The following NUCB1 variants were observed in gnomAD, a reference collection of about 807,000 sequenced individuals.
NUCB1 encodes the protein nucleobindin-1.
Under a neutral mutation model 61.2 loss-of-function variants are expected in NUCB1, and 47 were observed. The ratio of observed to expected loss-of-function variants is 0.77; its 90% CI spans 0.61 to 0.98. The LOEUF is 0.98. Among genes scored for constraint, NUCB1 ranks in the 50% least tolerant of loss-of-function variants. The probability of loss-of-function intolerance (pLI) is 0.00; values close to 1 mark genes in which losing one functional copy is unlikely to be tolerated. For synonymous variants in NUCB1, 234 were observed against 243.1 expected, an observed-to-expected ratio of 0.96 and a Z score of 0.35; for missense variants, 583 against 605.3, an observed-to-expected ratio of 0.96 and a Z score of 0.39.
At chr19:48,914,983 G>A (rs1023619690) in intron 7 of NUCB1, among the ~76,000 whole-genome samples, 2 of 152,080 alleles carry the variant, frequency 1.3e-5, no homozygotes, top group Admixed American at 1.3e-4. Flanking sequence ...AGGAGGCTGA[G>A]GTGGGAGAAT....
chr19:48,922,499 C>A lies in NUCB1; in HGVS notation c.*75C>A. 1 of 1,294,482 alleles carries A rather than the reference C, an allele frequency of 7.7e-7. No individual in the cohort carries two copies. The highest frequency in any genetic ancestry group is 1.2e-5 in the South Asian group (1 of 83,452). 80.2% of individuals were successfully genotyped at this position (1,294,482 alleles called of 1,614,324 possible). On this transcript the variant is annotated 3_prime_UTR_variant, in exon 13 of 13. Coordinates refer to ENST00000405315, the MANE Select transcript of NUCB1 (RefSeq NM_006184.6). Reference sequence around the variant, plus strand: ...TGGGCGCTGGATGAAGTGGCACAGTCAGCTTCCCTGGGGGCTGGTGTCATG... The same window carrying A: ...TGGGCGCTGGATGAAGTGGCACAGTAAGCTTCCCTGGGGGCTGGTGTCATG...
chr19:48,922,610 A>T lies in NUCB1; in HGVS notation c.*186A>T. 1.7e-6 allele frequency: 1 copy of T among 582,834 alleles called. No individual in the cohort carries two copies. The highest frequency in any genetic ancestry group is 2.9e-5 in the East Asian group (1 of 34,352). 36.1% of individuals were successfully genotyped at this position (582,834 alleles called of 1,614,324 possible). A position where few individuals can be genotyped will look rare whatever the true frequency, so the allele number is the denominator to read the frequency against. ...ACCTGTCTCCACTTTCACAGCCTCCAAGTCTGTGGCTCTTCCCTTCTGTCC... is the reference window on the plus strand; with the variant it reads ...ACCTGTCTCCACTTTCACAGCCTCCTAGTCTGTGGCTCTTCCCTTCTGTCC... On this transcript the variant is annotated 3_prime_UTR_variant, in exon 13 of 13. Transcript: ENST00000405315.
chr19:48,903,471 C>T (rs57441115), intron 2 of NUCB1, among the ~76,000 whole-genome samples: 5,509 of 26,474 alleles, frequency 0.21, 564 homozygotes, highest in Non-Finnish European at 0.26. Flanking sequence ...GATGGATGGG[C>T]GGGTGGATGG....
chr19:48,906,934 G>T (rs4802522), intron 4 of NUCB1, among the ~76,000 whole-genome samples: 54,434 of 151,432 alleles, frequency 0.36, 11,690 homozygotes, highest in African/African-American at 0.6. Context: ...AAAATCGGGA[G>T]ATTTATCAGG....
chr19:48,908,987 A>C (rs920513033), intron 4 of NUCB1, among the ~76,000 whole-genome samples: 2 of 151,954 alleles, frequency 1.3e-5, no homozygotes, highest in African/African-American at 4.8e-5. Context: ...TTGTTTGCTG[A>C]GGCCGCTGTA....
In NUCB1 at chr19:48,905,749, T is replaced by C. The variant is rs1211281326; in HGVS notation, c.244-4T>C. On this transcript the variant is annotated splice_region_variant and splice_polypyrimidine_tract_variant and intron_variant, in intron 3 of 12. Transcript: ENST00000405315. ...AGGCTGACCAGGGTCTCCTCTCCTG[T>C]CAGAGCGGGAAGCTGAGCCGAGAGC... 6.2e-7 allele frequency: 1 copy of C among 1,613,962 alleles called. No homozygotes were observed. Among genetic ancestry groups the C allele is most frequent in the South Asian group, 1.1e-5 (1 of 91,082 alleles).
chr19:48,917,788 AC>A (rs1308551522), intron 7 of NUCB1, among the ~76,000 whole-genome samples: 1 of 143,538 alleles, frequency 7.0e-6, no homozygotes, highest in East Asian at 2.0e-4. Context: ...GAGCCACCGC[AC>A]CCGGCCCAAT....
At chr19:48,907,270 GC>G (rs2122173636) in intron 4 of NUCB1, among the ~76,000 whole-genome samples, 1 of 140,462 alleles carries the variant, frequency 7.1e-6, no homozygotes, top group East Asian at 2.1e-4. Flanking sequence ...ACCGCGCCTG[GC>G]CTTTTTTTTT....
chr19:48,900,781 C>A lies in NUCB1; in HGVS notation c.-11-5C>A. On this transcript the variant is annotated splice_polypyrimidine_tract_variant and splice_region_variant and intron_variant, in intron 1 of 12. Transcript: ENST00000405315. ...ATGCATTATCCAGCCCTCCATCCCC[C>A]ACAGACCACACTGCCATGCCTCCCT... 6.2e-7 allele frequency: 1 copy of A among 1,613,470 alleles called. No individual in the cohort carries two copies. The highest frequency in any genetic ancestry group is 1.3e-5 in the African/African-American group (1 of 75,064).
chr19:48,920,828 C>T (rs2037601061), intron 10 of NUCB1, among the ~76,000 whole-genome samples: 1 of 151,630 alleles, frequency 6.6e-6, no homozygotes, highest in Admixed American at 6.6e-5. Flanking sequence ...TGGCCTATTT[C>T]TATATATTTT....
chr19:48,912,228 G>A (rs1055784285), intron 5 of NUCB1, among the ~76,000 whole-genome samples: 2 of 151,742 alleles, frequency 1.3e-5, no homozygotes, highest in Non-Finnish European at 2.9e-5. Context: ...GTCTCGCTGT[G>A]TTATGTGAGT....
Position 48,913,146 on chromosome 19 carries a change from C to T in NUCB1, c.616C>T (p.Leu206=), listed in dbSNP as rs758848012. The change falls in exon 6 of 13, where the codon CTG becomes TTG. Residue 206 remains leucine, a synonymous_variant. Transcript: ENST00000405315. ...GCAGAGAAAGGAGGCGGAGAGGAAG[C>T]TGGAAGAGCAACAGCGCCGGCACCG... ...EEQRKEAERK[L]EEQQRRHREH... is the part of the protein sequence containing the mutation. The T allele has an allele frequency of 1.2e-6, 2 of 1,613,884 alleles. No individual in the cohort carries two copies. The highest frequency in any genetic ancestry group is 1.7e-6 in the Non-Finnish European group (2 of 1,179,992).
Position 48,905,905 on chromosome 19 carries a change from G to A in NUCB1, c.376+20G>A. On this transcript the variant is annotated intron_variant, in intron 4 of 12. Transcript: ENST00000405315. The stretch of plus-strand genomic sequence containing the variant: ...ATCCCAGTGAGCAGGGGCAGGGCGG[G>A]AGGGACAGGCAGGGAGGGGTGGGGA... 1 of 1,437,264 alleles carries A rather than the reference G, an allele frequency of 7.0e-7. No individual in the cohort carries two copies. The allele number at this position is 1,437,264 out of a possible 1,614,324, so 89.0% of individuals were successfully genotyped here. A position where few individuals can be genotyped will look rare whatever the true frequency, so the allele number is the denominator to read the frequency against.
intron 6 of NUCB1, 58 bp downstream of exon 6, chr19:48,913,254 A>G: frequency 1.3e-6 from 2 of 1,525,532 alleles, no homozygotes; most frequent in South Asian, 1.3e-5. Context: ...AACGCAAGAC[A>G]AGAAAGCAGT....
intron 7 of NUCB1, among the ~76,000 whole-genome samples, chr19:48,917,224 A>C (rs1232464861): frequency 6.6e-6 from 1 of 152,134 alleles, no homozygotes; most frequent in African/African-American, 2.4e-5. Flanking sequence ...CCCTGTCTCT[A>C]AAAAATAAAA....
rs568121318 is a variant in NUCB1 at position 48,913,304 on chromosome 19, A to C, written c.666+108A>C. 989 of 890,794 alleles carry C rather than the reference A, an allele frequency of 1.1e-3. 6 individuals are homozygous for C. In the African/African-American group the frequency reaches 0.015, roughly 13 times the overall value. 55.2% of individuals were successfully genotyped at this position (890,794 alleles called of 1,614,324 possible). A position where few individuals can be genotyped will look rare whatever the true frequency, so the allele number is the denominator to read the frequency against. On this transcript the variant is annotated intron_variant, in intron 6 of 12. Transcript: ENST00000405315. ...TCCCAGGGGCCCTTGAGGCAAAAAAACTCCCTGTTACTGTACCTGGCTGCC... is the reference window on the plus strand; with the variant it reads ...TCCCAGGGGCCCTTGAGGCAAAAAACCTCCCTGTTACTGTACCTGGCTGCC...
chr19:48,907,345 G>A (rs533523702), intron 4 of NUCB1, among the ~76,000 whole-genome samples: 4 of 143,714 alleles, frequency 2.8e-5, no homozygotes, highest in African/African-American at 1.0e-4. Flanking sequence ...GCGCGATCTC[G>A]GCTCACTGCA....
intron 11 of NUCB1, among the ~76,000 whole-genome samples, chr19:48,921,563 G>A (rs1183725540): frequency 2.0e-5 from 3 of 152,196 alleles, no homozygotes; most frequent in African/African-American, 7.2e-5. Context: ...CCCAGGAGGG[G>A]GAGAAAGGCA....
At chr19:48,903,472 G>T (rs879539852) in intron 2 of NUCB1, among the ~76,000 whole-genome samples, 1 of 136,564 alleles carries the variant, frequency 7.3e-6, no homozygotes. Context: ...ATGGATGGGC[G>T]GGTGGATGGA....
Sources: gnomAD v4.1 joint callset for allele counts (sites outside exome capture counted in the v4.1 genomes callset) on GRCh38, gnomAD v4.1.1 for gene constraint, MANE v1.5 for transcripts, NCBI Gene and HGNC (gene_info 2026-07-23, HGNC 2026-07-21) for gene names.